The following ZNF385D variants were observed in gnomAD, a reference collection of about 807,000 sequenced individuals.
The protein encoded by ZNF385D is zinc finger protein 659.
ZNF385D carries 15 observed loss-of-function variants against 35.8 expected under a neutral mutation model. The ratio of observed to expected loss-of-function variants is 0.42; its 90% confidence interval spans 0.28 to 0.64. The LOEUF (loss-of-function observed/expected upper bound fraction) is 0.64. Ranked by LOEUF, ZNF385D falls within the 30% of genes least tolerant of loss-of-function variation. ZNF385D has a pLI of 0.23. For synonymous variants in ZNF385D, 212 were observed against 186.8 expected (o/e 1.13, Z -1.10); for missense variants, 474 against 494.6 (o/e 0.96, Z 0.39).
At chr3:22,021,433 C>A (rs1697218817) in intron 3 of ZNF385D, among the ~76,000 whole-genome samples, 1 of 151,908 alleles carries the variant, frequency 6.6e-6, no homozygotes, top group Admixed American at 6.6e-5. Context: ...AAAATAGAAA[C>A]AATATTATTA....
chr3:22,286,665 G>C (rs114437930), intron 2 of ZNF385D, among the ~76,000 whole-genome samples: 59 of 152,180 alleles, frequency 3.9e-4, no homozygotes, highest in African/African-American at 1.4e-3. Flanking sequence ...TTGTTCAAAA[G>C]TATGTTTCAT....
intron 3 of ZNF385D, among the ~76,000 whole-genome samples, chr3:21,936,648 A>C (rs1460742483): frequency 1.3e-5 from 2 of 152,096 alleles, no homozygotes; most frequent in East Asian, 3.8e-4. Flanking sequence ...CATAAACTTC[A>C]TCTTATTTTA....
At chr3:21,808,423 G>A (rs763978876) in intron 3 of ZNF385D, among the ~76,000 whole-genome samples, 1 of 152,130 alleles carries the variant, frequency 6.6e-6, no homozygotes, top group Non-Finnish European at 1.5e-5. Flanking sequence ...CTATGAAAAG[G>A]AGAACTGCTG....
chr3:22,266,875 T>C (rs1161945646), intron 2 of ZNF385D, among the ~76,000 whole-genome samples: 1 of 151,886 alleles, frequency 6.6e-6, no homozygotes, highest in Non-Finnish European at 1.5e-5. Flanking sequence ...GGTAGTGTCA[T>C]CCATCATTTT....
At chr3:22,192,600 A>C (rs191429748) in intron 2 of ZNF385D, among the ~76,000 whole-genome samples, 1 of 152,290 alleles carries the variant, frequency 6.6e-6, no homozygotes, top group African/African-American at 2.4e-5. Context: ...CATGTTGAAA[A>C]TGGACCCTCC....
intron 3 of ZNF385D, among the ~76,000 whole-genome samples, chr3:21,557,561 T>C (rs1454317102): frequency 6.6e-6 from 1 of 152,200 alleles, no homozygotes; most frequent in Non-Finnish European, 1.5e-5. Flanking sequence ...CTGGATTAGT[T>C]TCGCCAGTAT....
intron 3 of ZNF385D, among the ~76,000 whole-genome samples, chr3:22,075,812 G>A (rs926340988): frequency 3.3e-5 from 5 of 151,738 alleles, no homozygotes; most frequent in Admixed American, 3.3e-4. Context: ...TTTGCAAACC[G>A]CAGGAACATT....
intron 2 of ZNF385D, among the ~76,000 whole-genome samples, chr3:22,286,385 ACT>A (rs931490772): frequency 4.6e-5 from 7 of 151,130 alleles, no homozygotes; most frequent in African/African-American, 1.7e-4. Context: ...TTGTTTTCCT[ACT>A]CTCTATTTCA....
intron 3 of ZNF385D, among the ~76,000 whole-genome samples, chr3:21,842,687 T>A (rs1211222277): frequency 6.6e-6 from 1 of 152,088 alleles, no homozygotes; most frequent in Non-Finnish European, 1.5e-5. Flanking sequence ...CTTTTCTTAT[T>A]TCATTCAGTG....
intron 3 of ZNF385D, among the ~76,000 whole-genome samples, chr3:22,004,841 A>C (rs1178434916): frequency 2.0e-5 from 3 of 152,078 alleles, no homozygotes; most frequent in Non-Finnish European, 4.4e-5. Flanking sequence ...GGACTGAACA[A>C]ATGTACATCT....
intron 5 of ZNF385D, among the ~76,000 whole-genome samples, chr3:21,430,467 T>G (rs977598774): frequency 6.6e-6 from 1 of 152,074 alleles, no homozygotes; most frequent in East Asian, 1.9e-4. Context: ...ATGGACCCTG[T>G]GACCAAAGGA....
chr3:21,573,228 T>C (rs1033753083), intron 2 of ZNF385D, among the ~76,000 whole-genome samples: 6 of 152,172 alleles, frequency 3.9e-5, no homozygotes, highest in Non-Finnish European at 5.9e-5. Flanking sequence ...GAAATCGCTA[T>C]GTAAAAGATA....
At chr3:21,906,197 C>G (rs1056756131) in intron 3 of ZNF385D, among the ~76,000 whole-genome samples, 3 of 152,194 alleles carry the variant, frequency 2.0e-5, no homozygotes. Flanking sequence ...AAAGTACCTA[C>G]TATTTTGTAC....
chr3:22,212,418 T>C (rs1202383807), intron 2 of ZNF385D, among the ~76,000 whole-genome samples: 1 of 152,066 alleles, frequency 6.6e-6, no homozygotes, highest in Non-Finnish European at 1.5e-5. Context: ...GCAAAAGAAA[T>C]TGATGAGCCC....
intron 3 of ZNF385D, among the ~76,000 whole-genome samples, chr3:22,069,260 T>C (rs1384396095): frequency 2.6e-5 from 4 of 152,174 alleles, no homozygotes; most frequent in Non-Finnish European, 5.9e-5. Flanking sequence ...ATGGATAATC[T>C]CTTGGAACTG....
intron 3 of ZNF385D, among the ~76,000 whole-genome samples, chr3:22,151,866 T>C (rs1345663293): frequency 1.3e-5 from 2 of 152,240 alleles, no homozygotes; most frequent in East Asian, 3.9e-4. Flanking sequence ...TTTAAACTTT[T>C]ATTTTAGGTT....
intron 3 of ZNF385D, among the ~76,000 whole-genome samples, chr3:21,973,279 A>C (rs1162895222): frequency 6.6e-6 from 1 of 152,046 alleles, no homozygotes; most frequent in Non-Finnish European, 1.5e-5. Context: ...AAGTCAATCA[A>C]TGTGATATCT....
At chr3:21,679,475 C>G (rs1180670377) in intron 1 of ZNF385D, among the ~76,000 whole-genome samples, 2 of 151,704 alleles carry the variant, frequency 1.3e-5, no homozygotes, top group Non-Finnish European at 2.9e-5. Context: ...TCTATGGTGT[C>G]TAAGAAAGAG....
At chr3:22,259,442 G>A (rs117672011) in intron 2 of ZNF385D, among the ~76,000 whole-genome samples, 446 of 151,914 alleles carry the variant, frequency 2.9e-3, no homozygotes, top group Non-Finnish European at 4.6e-3. Context: ...TCTGTCAGTT[G>A]TTCTTTCAAG....
Sources: allele counts gnomAD v4.1 joint callset (sites outside exome capture counted in the v4.1 genomes callset), GRCh38; gene constraint gnomAD v4.1.1; transcripts MANE v1.5; gene names NCBI Gene and HGNC (gene_info 2026-07-23, HGNC 2026-07-21).